ASTN2: variants seen among roughly 807,000 people sequenced by gnomAD.
ASTN2 encodes astrotactin-2.
Under a neutral mutation model 139.8 loss-of-function variants are expected in ASTN2, and 54 were observed. The ratio of observed to expected loss-of-function variants is 0.39; its 90% CI spans 0.31 to 0.48. The LOEUF (loss-of-function observed/expected upper bound fraction) is 0.48. Among genes scored for constraint, ASTN2 ranks in the 20% least tolerant of loss-of-function variants. The probability of loss-of-function intolerance (pLI) is 0.95; values close to 1 mark genes in which losing one functional copy is unlikely to be tolerated. For synonymous variants in ASTN2, 756 were observed against 719.5 expected (o/e 1.05, Z -0.81); for missense variants, 1,565 against 1,725.1 (o/e 0.91, Z 1.64).
chr9:116,488,406 T>C (rs980722302), intron 19 of ASTN2, among the ~76,000 whole-genome samples: 1 of 152,126 alleles, frequency 6.6e-6, no homozygotes, highest in Non-Finnish European at 1.5e-5. Context: ...ATGGTGAAGG[T>C]GCCAGAATCA....
At chr9:116,907,943 C>T (rs988966402) in intron 10 of ASTN2, among the ~76,000 whole-genome samples, 1 of 152,078 alleles carries the variant, frequency 6.6e-6, no homozygotes, top group Admixed American at 6.5e-5. Context: ...GGCAACCACA[C>T]CCAACAGTAA....
At chr9:117,247,665 C>T (rs545948501) in intron 2 of ASTN2, among the ~76,000 whole-genome samples, 2 of 152,360 alleles carry the variant, frequency 1.3e-5, no homozygotes, top group Admixed American at 6.5e-5. Context: ...GTGGAGGCTG[C>T]AATGTGGTGA....
intron 2 of ASTN2, among the ~76,000 whole-genome samples, chr9:117,228,022 A>C (rs966135228): frequency 2.0e-5 from 3 of 152,154 alleles, no homozygotes; most frequent in Non-Finnish European, 4.4e-5. Flanking sequence ...TTTGGGTTCA[A>C]ATTCTGACTG....
chr9:117,109,455 T>C (rs1302316189), intron 4 of ASTN2, among the ~76,000 whole-genome samples: 1 of 152,198 alleles, frequency 6.6e-6, no homozygotes, highest in Non-Finnish European at 1.5e-5. Context: ...TCTCTGGTTC[T>C]GAAAACATCT....
chr9:117,161,513 C>T (rs1830551908), intron 3 of ASTN2, among the ~76,000 whole-genome samples: 1 of 152,216 alleles, frequency 6.6e-6, no homozygotes, highest in Non-Finnish European at 1.5e-5. Flanking sequence ...CCTGCCTCAG[C>T]CTCCCTAGTA....
intron 19 of ASTN2, among the ~76,000 whole-genome samples, chr9:116,512,468 T>C (rs902601562): frequency 1.3e-4 from 20 of 152,328 alleles, no homozygotes; most frequent in African/African-American, 4.6e-4. Flanking sequence ...CTGAGAAGAA[T>C]GTATATTCTG....
At chr9:116,771,409 G>A (rs996829246) in intron 13 of ASTN2, among the ~76,000 whole-genome samples, 1 of 152,240 alleles carries the variant, frequency 6.6e-6, no homozygotes, top group African/African-American at 2.4e-5. Flanking sequence ...AAAGCACATG[G>A]CACATAATCA....
Position 116,740,279 on chromosome 9 carries a change from T to C in ASTN2, c.2397-6756A>G, listed in dbSNP as rs1340072326. On this transcript the variant is annotated intron_variant, in intron 13 of 22. Coordinates refer to ENST00000313400, the MANE Select transcript of ASTN2 (RefSeq NM_001365068.1). ...TTCCCCAGTTGAAATACATCTTTTC[T>C]ATCACTTTAATTTCATGCATCTTCT... is the stretch of plus-strand genomic sequence containing the variant. Among the ~76,000 whole-genome samples, 5 of 152,342 alleles carry C rather than the reference T, an allele frequency of 3.3e-5. 1 individual carries two copies. The highest frequency in any genetic ancestry group is 6.8e-3 in the Middle Eastern group (2 of 294).
intron 1 of ASTN2, among the ~76,000 whole-genome samples, chr9:117,340,374 G>A (rs965194346): frequency 2.0e-5 from 3 of 149,680 alleles, no homozygotes; most frequent in Non-Finnish European, 4.4e-5. Flanking sequence ...GTCATGGAGA[G>A]GAGGAGGGGT....
At chr9:117,020,519 A>T (rs1483023472) in intron 6 of ASTN2, among the ~76,000 whole-genome samples, 2 of 151,968 alleles carry the variant, frequency 1.3e-5, no homozygotes, top group African/African-American at 4.8e-5. Context: ...ATCTTCCCAG[A>T]TTATACTCAT....
intron 22 of ASTN2, among the ~76,000 whole-genome samples, chr9:116,426,425 A>G (rs1295235703): frequency 2.6e-5 from 4 of 152,176 alleles, no homozygotes; most frequent in South Asian, 2.1e-4. Flanking sequence ...AGAACAACCA[A>G]AAGTTATTGA....
chr9:117,121,573 A>T (rs1829558831), intron 4 of ASTN2, among the ~76,000 whole-genome samples: 1 of 152,206 alleles, frequency 6.6e-6, no homozygotes, highest in African/African-American at 2.4e-5. Context: ...TGGATCACAG[A>T]ACAGGAAAAG....
chr9:117,061,474 T>C (rs1839289954), intron 5 of ASTN2, among the ~76,000 whole-genome samples: 1 of 138,664 alleles, frequency 7.2e-6, no homozygotes, highest in Admixed American at 7.3e-5. Flanking sequence ...AGTTTTATTA[T>C]ATCAAACTTT....
chr9:116,868,258 T>C (rs541677083), intron 10 of ASTN2, among the ~76,000 whole-genome samples: 36 of 152,254 alleles, frequency 2.4e-4, no homozygotes, highest in Admixed American at 2.2e-3. Flanking sequence ...GAAATGACAG[T>C]TTTATACCCA....
chr9:116,977,034 A>G lies in ASTN2; in HGVS notation c.1592-249T>C, dbSNP rs138225756. On this transcript the variant is annotated intron_variant, in intron 7 of 22. Coordinates refer to ENST00000313400, the MANE Select transcript of ASTN2 (RefSeq NM_001365068.1). Reference sequence around the variant, plus strand: ...GTGCTCAGCTCAGCACTGGAGATACAGAGGTCAAAGTTGCAACCCAGCCGC... The same window carrying G: ...GTGCTCAGCTCAGCACTGGAGATACGGAGGTCAAAGTTGCAACCCAGCCGC... Among the ~76,000 whole-genome samples, 67 of 152,308 alleles carry G rather than the reference A, an allele frequency of 4.4e-4. 2 individuals are homozygous for G. Among genetic ancestry groups the G allele is most frequent in the South Asian group, 4.4e-3 (21 of 4,822 alleles).
chr9:117,182,599 T>C (rs1454061933), intron 3 of ASTN2, among the ~76,000 whole-genome samples: 1 of 152,214 alleles, frequency 6.6e-6, no homozygotes, highest in Non-Finnish European at 1.5e-5. Flanking sequence ...ATCACTGCTT[T>C]TGTCTACAGC....
At chr9:117,284,989 T>C (rs957409790) in intron 2 of ASTN2, among the ~76,000 whole-genome samples, 1 of 152,260 alleles carries the variant, frequency 6.6e-6, no homozygotes, top group Non-Finnish European at 1.5e-5. Context: ...AAGAATTTAA[T>C]GAGTTAAATA....
At chr9:116,980,744 T>A (rs1836489129) in intron 7 of ASTN2, among the ~76,000 whole-genome samples, 2 of 152,218 alleles carry the variant, frequency 1.3e-5, no homozygotes, top group African/African-American at 2.4e-5. Context: ...TTGGCTTTAT[T>A]GACTCCTGTT....
intron 5 of ASTN2, among the ~76,000 whole-genome samples, chr9:117,052,694 C>G (rs1219464610): frequency 2.0e-5 from 3 of 152,320 alleles, no homozygotes; most frequent in African/African-American, 7.2e-5. Context: ...AGAGCACCTA[C>G]TATATGCGAA....
Sources: gnomAD v4.1 joint callset for allele counts (sites outside exome capture counted in the v4.1 genomes callset) on GRCh38, gnomAD v4.1.1 for gene constraint, MANE v1.5 for transcripts, NCBI Gene and HGNC (gene_info 2026-07-23, HGNC 2026-07-21) for gene names.